ROBO2: variants seen among roughly 807,000 people sequenced by gnomAD.
ROBO2 encodes the protein roundabout guidance receptor 2.
A neutral mutation model predicts 160.8 loss-of-function variants in ROBO2; 53 were observed. That is an observed-to-expected ratio of 0.33 (90% CI 0.26 to 0.41). ROBO2 has a LOEUF of 0.41. Ranked by LOEUF, ROBO2 falls within the 10% of genes least tolerant of loss-of-function variation. The pLI, the probability that ROBO2 is intolerant of heterozygous loss-of-function variation, is 1.00. For synonymous variants in ROBO2, 664 were observed against 611.7 expected (o/e 1.09, Z -1.26); for missense variants, 1,577 against 1,722.4 (o/e 0.92, Z 1.49).
chr3:77,010,124 T>A (rs1366876977), intron 2 of ROBO2, among the ~76,000 whole-genome samples: 3 of 152,038 alleles, frequency 2.0e-5, no homozygotes, highest in Non-Finnish European at 2.9e-5. Flanking sequence ...TTAGGTTTGG[T>A]TTTATGTTGT....
At chr3:77,288,657 C>A (rs2060790357) in intron 2 of ROBO2, among the ~76,000 whole-genome samples, 1 of 152,038 alleles carries the variant, frequency 6.6e-6, no homozygotes, top group South Asian at 2.1e-4. Context: ...AAAACACACC[C>A]AAACAAAAAT....
At chr3:76,727,212 A>C (rs1158972599) in intron 2 of ROBO2, among the ~76,000 whole-genome samples, 2 of 152,190 alleles carry the variant, frequency 1.3e-5, no homozygotes, top group Non-Finnish European at 2.9e-5. Flanking sequence ...CTAGACTCTA[A>C]GAATAAAGTT....
chr3:76,869,651 T>A (rs1381281876), intron 2 of ROBO2, among the ~76,000 whole-genome samples: 5 of 151,894 alleles, frequency 3.3e-5, no homozygotes, highest in African/African-American at 1.2e-4. Context: ...GCCCGGCCGA[T>A]CTTTTTTTAG....
intron 2 of ROBO2, among the ~76,000 whole-genome samples, chr3:76,417,878 A>G (rs1038841948): frequency 1.3e-5 from 2 of 152,082 alleles, no homozygotes; most frequent in Non-Finnish European, 2.9e-5. Context: ...TACCAAAATG[A>G]TCTTCAAACT....
chr3:77,087,102 C>T (rs2069430051), intron 1 of ROBO2, among the ~76,000 whole-genome samples: 1 of 151,964 alleles, frequency 6.6e-6, no homozygotes, highest in South Asian at 2.1e-4. Context: ...GCTACTGCTA[C>T]AGAATTTTCA....
intron 2 of ROBO2, among the ~76,000 whole-genome samples, chr3:76,826,273 A>C (rs1191111092): frequency 2.0e-5 from 3 of 152,054 alleles, no homozygotes; most frequent in Non-Finnish European, 4.4e-5. Context: ...GAATAATCTA[A>C]GGCACACACT....
chr3:76,070,104 G>A (rs1477630409), intron 2 of ROBO2, among the ~76,000 whole-genome samples: 1 of 152,156 alleles, frequency 6.6e-6, no homozygotes, highest in Non-Finnish European at 1.5e-5. Context: ...GAGCATGTGT[G>A]TTTAAGCAAT....
chr3:76,374,942 T>C (rs2076271894), intron 2 of ROBO2, among the ~76,000 whole-genome samples: 1 of 117,038 alleles, frequency 8.5e-6, no homozygotes, highest in African/African-American at 3.5e-5. Context: ...TTTCTTCTTC[T>C]TTTTTTTTTT....
Position 77,277,184 on chromosome 3 carries a change from CT to C in ROBO2, c.388+178847del, listed in dbSNP as rs754142846. ...TCTTTCTTTCTTTCTTTCTTTCTTT[CT>C]TTCTTTCTTTCTTTCTTTCTTTCTT... On this transcript the variant is annotated intron_variant, in intron 2 of 25. Transcript: ENST00000461745. Among the ~76,000 whole-genome samples the C allele has an allele frequency of 8.9e-3, 1,016 of 114,124 alleles. 5 individuals are homozygous for C. The highest frequency in any genetic ancestry group is 0.011 in the African/African-American group (291 of 25,428). The allele number at this position is 114,124 out of a possible 152,430, so 74.9% of individuals were successfully genotyped here.
chr3:76,504,443 A>T (rs2080664116), intron 2 of ROBO2, among the ~76,000 whole-genome samples: 1 of 152,046 alleles, frequency 6.6e-6, no homozygotes, highest in South Asian at 2.1e-4. Context: ...AGTAAATTGA[A>T]ATTTGGTAGG....
chr3:76,122,614 C>T (rs1559569039), intron 2 of ROBO2, among the ~76,000 whole-genome samples: 1 of 152,032 alleles, frequency 6.6e-6, no homozygotes, highest in Non-Finnish European at 1.5e-5. Context: ...TTTCAAGATA[C>T]AGACTTTGGT....
At chr3:76,448,036 G>A (rs1232381531) in intron 2 of ROBO2, among the ~76,000 whole-genome samples, 1 of 150,204 alleles carries the variant, frequency 6.7e-6, no homozygotes, top group African/African-American at 2.5e-5. Flanking sequence ...AGAACTTAAA[G>A]TATATATATA....
chr3:76,547,115 C>T (rs2108303969), intron 2 of ROBO2, among the ~76,000 whole-genome samples: 1 of 152,082 alleles, frequency 6.6e-6, no homozygotes, highest in East Asian at 1.9e-4. Flanking sequence ...TACAGTCCAA[C>T]TAGTATAACT....
At chr3:76,121,751 G>C (rs970634451) in intron 2 of ROBO2, among the ~76,000 whole-genome samples, 1 of 152,000 alleles carries the variant, frequency 6.6e-6, no homozygotes, top group Non-Finnish European at 1.5e-5. Context: ...GCCATACTTC[G>C]CTCTGTGATG....
At chr3:77,027,725 G>A (rs146498281) in intron 2 of ROBO2, among the ~76,000 whole-genome samples, 1 of 152,212 alleles carries the variant, frequency 6.6e-6, no homozygotes, top group African/African-American at 2.4e-5. Context: ...TAGTAAGGGT[G>A]CTAGCCAAGC....
chr3:76,986,218 C>T (rs1023339294), intron 2 of ROBO2, among the ~76,000 whole-genome samples: 3 of 152,044 alleles, frequency 2.0e-5, no homozygotes, highest in African/African-American at 4.8e-5. Context: ...CTATATAGTA[C>T]GCATTGATCG....
intron 2 of ROBO2, among the ~76,000 whole-genome samples, chr3:76,800,123 G>A (rs898397321): frequency 5.9e-5 from 9 of 152,292 alleles, no homozygotes; most frequent in African/African-American, 2.2e-4. Context: ...ATTGGAGAAA[G>A]GACAGTTTAT....
At chr3:77,387,939 A>T (rs1392543819) in intron 2 of ROBO2, among the ~76,000 whole-genome samples, 1 of 152,106 alleles carries the variant, frequency 6.6e-6, no homozygotes, top group Non-Finnish European at 1.5e-5. Flanking sequence ...ATCCTTAGAG[A>T]AAGGCTCAGA....
intron 2 of ROBO2, among the ~76,000 whole-genome samples, chr3:77,023,759 A>G (rs2062784886): frequency 6.6e-6 from 1 of 152,304 alleles, no homozygotes; most frequent in East Asian, 1.9e-4. Context: ...AAACCTGCCT[A>G]TACTAATGAA....
Sources: allele counts gnomAD v4.1 joint callset (sites outside exome capture counted in the v4.1 genomes callset), GRCh38; gene constraint gnomAD v4.1.1; transcripts MANE v1.5; gene names NCBI Gene and HGNC (gene_info 2026-07-23, HGNC 2026-07-21).